The following RANBP17 variants were observed in gnomAD, a reference collection of about 807,000 sequenced individuals.
The protein encoded by RANBP17 is RAN binding protein 17, also known as ran-binding protein 17.
RANBP17 carries 158 observed loss-of-function variants against 141.2 expected under a neutral mutation model. That is an observed-to-expected ratio of 1.12 (90% CI 0.98 to 1.28). The LOEUF (loss-of-function observed/expected upper bound fraction) is 1.28. Among genes scored for constraint, RANBP17 ranks in the 50% most tolerant of loss-of-function variants. RANBP17 has a pLI of 0.00. For missense variants in RANBP17, 1,438 were observed against 1,290.7 expected, an observed-to-expected ratio of 1.11 and a Z score of -1.75; for synonymous variants, 430 against 450.0, an observed-to-expected ratio of 0.96 and a Z score of 0.56.
intron 18 of RANBP17, among the ~76,000 whole-genome samples, chr5:171,195,240 C>A (rs1241483015): frequency 4.6e-5 from 7 of 152,080 alleles, no homozygotes; most frequent in Non-Finnish European, 8.8e-5. Context: ...ATAAAATAAT[C>A]ATATATACAT....
intron 5 of RANBP17, among the ~76,000 whole-genome samples, chr5:170,903,198 C>T (rs1770790904): frequency 6.6e-6 from 1 of 152,216 alleles, no homozygotes; most frequent in South Asian, 2.1e-4. Context: ...ATGCCTTGCG[C>T]AGAGAAGAGG....
intron 14 of RANBP17, chr5:171,158,396 T>C (rs984130721): frequency 2.1e-5 from 4 of 192,538 alleles, no homozygotes; most frequent in Non-Finnish European, 4.4e-5. Flanking sequence ...TTTAAGCAAG[T>C]TGGCTTTGAA....
rs144201243 is a variant in RANBP17 at position 170,937,435 on chromosome 5, G to A, written c.1468+12885G>A. Among the ~76,000 whole-genome samples, 19 of 152,290 alleles carry A rather than the reference G, an allele frequency of 1.2e-4. 1 individual carries two copies. In the East Asian group the frequency reaches 3.5e-3, roughly 28 times the overall value. On this transcript the variant is annotated intron_variant, in intron 12 of 27. Coordinates refer to ENST00000523189, the MANE Select transcript of RANBP17 (RefSeq NM_022897.5). The stretch of plus-strand genomic sequence containing the variant: ...GCTTTTTCCTTTGGCCATTAGAGGA[G>A]AAGCTCAAACTCTAGTTGTTTCTGT...
intron 14 of RANBP17, among the ~76,000 whole-genome samples, chr5:171,138,851 G>A (rs1757497383): frequency 6.6e-6 from 1 of 152,152 alleles, no homozygotes; most frequent in Non-Finnish European, 1.5e-5. Flanking sequence ...GCACTCAGGA[G>A]GATCACTTGA....
At chr5:171,006,783 C>G (rs569788535) in intron 14 of RANBP17, among the ~76,000 whole-genome samples, 11 of 151,532 alleles carry the variant, frequency 7.3e-5, no homozygotes, top group Non-Finnish European at 1.2e-4. Context: ...TCTGGCCCCT[C>G]TGGGTCTAGG....
At chr5:171,258,695 A>C (rs1232578628) in intron 24 of RANBP17, among the ~76,000 whole-genome samples, 3 of 152,146 alleles carry the variant, frequency 2.0e-5, no homozygotes, top group Non-Finnish European at 4.4e-5. Context: ...GAAGAATGAA[A>C]CTGGACCCCT....
At chr5:171,235,148 G>A (rs550661333) in intron 22 of RANBP17, among the ~76,000 whole-genome samples, 1 of 152,132 alleles carries the variant, frequency 6.6e-6, no homozygotes, top group Non-Finnish European at 1.5e-5. Flanking sequence ...AATCAAGTAA[G>A]ATGAAGGCTA....
intron 18 of RANBP17, among the ~76,000 whole-genome samples, chr5:171,190,328 G>A (rs1761542037): frequency 6.6e-6 from 1 of 152,154 alleles, no homozygotes; most frequent in Admixed American, 6.5e-5. Flanking sequence ...GCGGGGCAGG[G>A]GGTGGTTGGC....
At chr5:170,876,156 C>A (rs202170227) in intron 1 of RANBP17, among the ~76,000 whole-genome samples, 1 of 152,082 alleles carries the variant, frequency 6.6e-6, no homozygotes, top group Non-Finnish European at 1.5e-5. Flanking sequence ...GGGCACCAAC[C>A]GCTTCACTTG....
intron 14 of RANBP17, among the ~76,000 whole-genome samples, chr5:171,138,813 A>G (rs1757492575): frequency 6.6e-6 from 1 of 152,184 alleles, no homozygotes; most frequent in South Asian, 2.1e-4. Context: ...GGTTCACACT[A>G]GTAATCCCAA....
At chr5:171,036,577 G>C (rs571688939) in intron 14 of RANBP17, among the ~76,000 whole-genome samples, 2 of 152,226 alleles carry the variant, frequency 1.3e-5, no homozygotes, top group African/African-American at 4.8e-5. Flanking sequence ...ACTACCCATA[G>C]TTAGTTTTTC....
intron 5 of RANBP17, chr5:170,897,077 C>T: frequency 1.2e-6 from 1 of 837,162 alleles, no homozygotes; most frequent in Non-Finnish European, 2.0e-6. Flanking sequence ...AATGTGGATA[C>T]CAGCTGTCTT....
At chr5:171,110,721 A>G (rs1290738143) in intron 14 of RANBP17, among the ~76,000 whole-genome samples, 1 of 152,168 alleles carries the variant, frequency 6.6e-6, no homozygotes, top group African/African-American at 2.4e-5. Context: ...AGAGTATTAA[A>G]TTGTAGAAAC....
intron 24 of RANBP17, among the ~76,000 whole-genome samples, chr5:171,245,646 A>T (rs757050668): frequency 1.3e-5 from 2 of 151,944 alleles, no homozygotes; most frequent in Non-Finnish European, 2.9e-5. Context: ...ATTTTATTCT[A>T]TCCTGCAGTT....
intron 14 of RANBP17, among the ~76,000 whole-genome samples, chr5:170,994,253 G>T (rs539127594): frequency 1.3e-5 from 2 of 151,920 alleles, no homozygotes; most frequent in African/African-American, 4.8e-5. Context: ...AATCAAGTTC[G>T]GATATAGAAA....
At chr5:171,194,505 A>G (rs1761847705) in intron 18 of RANBP17, among the ~76,000 whole-genome samples, 2 of 152,158 alleles carry the variant, frequency 1.3e-5, no homozygotes, top group Non-Finnish European at 2.9e-5. Context: ...CATGTTTTCA[A>G]GGCACATTCA....
Position 170,966,071 on chromosome 5 carries a change from A to G in RANBP17, c.1575-2171A>G, listed in dbSNP as rs531896938. On this transcript the variant is annotated intron_variant, in intron 13 of 27. Transcript: ENST00000523189. ...AATCAATAGCTTACCAACCAAAAAG[A>G]GTCCAGGACCAGATGGATTCACAGC... 8.5e-5 allele frequency among the ~76,000 whole-genome samples: 13 copies of G among 152,210 alleles called. No individual in the cohort carries two copies. In the East Asian group the frequency reaches 1.9e-3, roughly 23 times the overall value.
rs552682285 is a variant in RANBP17 at position 171,262,182 on chromosome 5, C to G, written c.2777-3499C>G. On this transcript the variant is annotated intron_variant, in intron 24 of 27. Transcript: ENST00000523189. ...ATGATTGATAGCATATTGCTTTTCA[C>G]TGGTGAGGGGAACCATATCTGCTTC... 1.1e-4 allele frequency among the ~76,000 whole-genome samples: 17 copies of G among 152,272 alleles called. No individual in the cohort carries two copies. In the South Asian group the frequency reaches 3.5e-3, roughly 32 times the overall value.
chr5:171,147,401 G>GTGT (rs1561702725), intron 14 of RANBP17, among the ~76,000 whole-genome samples: 1 of 103,958 alleles, frequency 9.6e-6, no homozygotes, highest in Non-Finnish European at 1.9e-5. Context: ...TTTTTTGTGT[G>GTGT]TTTTTTTTTT....
Sources: gnomAD v4.1 joint callset for allele counts (sites outside exome capture counted in the v4.1 genomes callset) on GRCh38, gnomAD v4.1.1 for gene constraint, MANE v1.5 for transcripts, NCBI Gene and HGNC (gene_info 2026-07-23, HGNC 2026-07-21) for gene names.